Variants in HELB observed in about 807,000 individuals in gnomAD.
HELB encodes DNA helicase B, also known as DNA 5'-3' helicase B.
A neutral mutation model predicts 101.7 loss-of-function variants in HELB; 96 were observed. The ratio of observed to expected loss-of-function variants is 0.94; its 90% CI spans 0.80 to 1.12. The LOEUF (loss-of-function observed/expected upper bound fraction) is 1.12. HELB is among the 50% of genes most tolerant of loss of function. HELB has a pLI of 0.00. For synonymous variants in HELB, 437 were observed against 459.7 expected (o/e 0.95, Z 0.63); for missense variants, 1,210 against 1,291.9 (o/e 0.94, Z 0.97).
intron 10 of HELB, among the ~76,000 whole-genome samples, chr12:66,324,721 A>G (rs2053715493): frequency 6.6e-6 from 1 of 152,242 alleles, no homozygotes; most frequent in Non-Finnish European, 1.5e-5. Context: ...AGACTTCAAA[A>G]TAAGAAATAA....
In HELB at chr12:66,304,798, T is replaced by G; in HGVS notation, c.255T>G (p.Ala85=). ...TTGGACGTTTTCCGATAACAGGTGCTTGGTGGAGAGTGAAGGTACAAGTAA... is the reference window on the plus strand; with the variant it reads ...TTGGACGTTTTCCGATAACAGGTGCGTGGTGGAGAGTGAAGGTACAAGTAA... ...KVFGRFPITG[A]WWRVKVQVKP... is the part of the protein sequence containing the mutation. Residue 85 remains alanine (A), a synonymous_variant, in exon 2 of 13, where the codon GCT becomes GCG. Coordinates refer to ENST00000247815, the MANE Select transcript of HELB (RefSeq NM_001370285.1). The G allele has an allele frequency of 6.2e-7, 1 of 1,614,048 alleles. No homozygotes were observed. Among genetic ancestry groups the G allele is most frequent in the African/African-American group, 1.3e-5 (1 of 75,018 alleles).
At chr12:66,305,217 T>C (rs558716211) in intron 2 of HELB, 67 bp downstream of exon 2, 1 of 955,966 alleles carries the variant, frequency 1.0e-6, no homozygotes, top group East Asian at 2.4e-5. Flanking sequence ...GTGTTTAAAA[T>C]GTTACCACTA....
At position 66,325,010 on chromosome 12, in the gene HELB, AG is replaced by A. The variant is rs773979526; in HGVS notation, c.2555del (p.Arg852LysfsTer4). The A allele has an allele frequency of 1.2e-6, 2 of 1,612,614 alleles. No homozygotes were observed. The highest frequency in any genetic ancestry group is 1.7e-6 in the Non-Finnish European group (2 of 1,178,728). On this transcript the variant is annotated frameshift_variant, in exon 11 of 13. Coordinates refer to ENST00000247815, the MANE Select transcript of HELB (RefSeq NM_001370285.1). LOFTEE classifies it high-confidence loss of function. Reference protein sequence around the residue: ...NDVTDVTFGKRRSLTINNMAG... With the variant: ...NDVTDVTFGKXRSLTINNMAG... Reference sequence around the variant, plus strand: ...TGTAACTGATGTAACTTTTGGAAAGAGAAGATCTTTGACCATTAATAATATG... The same window carrying A: ...TGTAACTGATGTAACTTTTGGAAAGAAAGATCTTTGACCATTAATAATATG...
chr12:66,329,769 T>C (rs970023701), intron 11 of HELB, among the ~76,000 whole-genome samples: 8 of 152,198 alleles, frequency 5.3e-5, no homozygotes, highest in African/African-American at 1.7e-4. Flanking sequence ...ATTATTACTA[T>C]ATTTTTCTCA....
chr12:66,310,390 C>A lies in HELB; in HGVS notation c.1462C>A (p.Leu488Ile), dbSNP rs1214652997. The part of the protein sequence containing the change: ...GCGKTTIVSR[L>I]FKHIEQLEER... The stretch of plus-strand genomic sequence containing the variant: ...TGGGAAGACCACAATCGTTAGCCGT[C>A]TTTTTAAGCATATAGAGCAGTTGGA... The change falls in exon 4 of 13, where the codon CTT (leucine) becomes ATT (isoleucine). Residue 488 changes from leucine (L) to isoleucine (I), a missense_variant. Coordinates refer to ENST00000247815, the MANE Select transcript of HELB (RefSeq NM_001370285.1). 1 of 1,614,110 alleles carries A rather than the reference C, an allele frequency of 6.2e-7. No individual in the cohort carries two copies. The highest frequency in any genetic ancestry group is 8.5e-7 in the Non-Finnish European group (1 of 1,180,024).
downstream of HELB, chr12:66,341,849 C>T (rs2053920555): frequency 6.6e-6 from 1 of 152,248 alleles, no homozygotes; most frequent in South Asian, 2.1e-4. Context: ...AAGGTGCTTG[C>T]TTCTCCTTTA....
Position 66,322,763 on chromosome 12 carries a change from C to T in HELB, c.2277C>T (p.His759=). ...CDLINDCCCK[H]YTGHLTKDHQ... ...TAATTAATGACTGCTGCTGCAAACA[C>T]TACACAGGCCACCTCACCAAGTGAG... Residue 759 remains histidine, a synonymous_variant, in exon 9 of 13, where the codon CAC becomes CAT. Transcript: ENST00000247815. The T allele has an allele frequency of 1.9e-6, 3 of 1,609,748 alleles. No homozygotes were observed. The highest frequency in any genetic ancestry group is 1.1e-5 in the South Asian group (1 of 90,698).
chr12:66,313,200 T>TAGGAAAAAAA (rs150234603), intron 4 of HELB, among the ~76,000 whole-genome samples: 6 of 151,314 alleles, frequency 4.0e-5, no homozygotes, highest in Admixed American at 6.6e-5. Flanking sequence ...CTAGTTTTAG[T>TAGGAAAAAAA]AGAAAAATTA....
Position 66,304,818 on chromosome 12 carries a change from A to G in HELB, c.275A>G (p.Gln92Arg). 6.2e-7 allele frequency: 1 copy of G among 1,614,138 alleles called. No homozygotes were observed. Among genetic ancestry groups the G allele is most frequent in the South Asian group, 1.1e-5 (1 of 91,084 alleles). The change falls in exon 2 of 13, where the codon CAA (glutamine) becomes CGA (arginine). Residue 92 changes from glutamine (Q) to arginine (R), a missense_variant. By Grantham distance (43) the Gln-to-Arg change is conservative (BLOSUM62 1). Transcript: ENST00000247815. Reference sequence around the variant, plus strand: ...GGTGCTTGGTGGAGAGTGAAGGTACAAGTAAAGCCTGTGGTGGGATCAAGG... The same window carrying G: ...GGTGCTTGGTGGAGAGTGAAGGTACGAGTAAAGCCTGTGGTGGGATCAAGG... The part of the protein sequence containing the change: ...ITGAWWRVKV[Q>R]VKPVVGSRSY...
chr12:66,306,318 A>G, intron 2 of HELB, 27 bp from the exon 3 acceptor site: 1 of 1,513,042 alleles, frequency 6.6e-7, no homozygotes, highest in South Asian at 1.3e-5. Flanking sequence ...TTTATGTTTT[A>G]CTTTGTTCCT....
At chr12:66,329,382 T>C (rs1201047169) in intron 11 of HELB, among the ~76,000 whole-genome samples, 3 of 152,138 alleles carry the variant, frequency 2.0e-5, no homozygotes, top group Admixed American at 2.0e-4. Flanking sequence ...ATAGAGGAAG[T>C]ACAGGGTGCT....
At chr12:66,321,568 A>G in intron 7 of HELB, 1 of 214,058 alleles carries the variant, frequency 4.7e-6, no homozygotes, top group Admixed American at 5.3e-5. Flanking sequence ...GATTACTAAC[A>G]TGATCACAAG....
In HELB at chr12:66,304,918, T is replaced by C. The variant is rs780749687; in HGVS notation, c.375T>C (p.His125=). 1.2e-6 allele frequency: 2 copies of C among 1,614,138 alleles called. No homozygotes were observed. The highest frequency in any genetic ancestry group is 2.2e-5 in the East Asian group (1 of 44,874). The stretch of plus-strand genomic sequence containing the variant: ...ATATGTCACCACCAAATCAAAAACA[T>C]ATCTGTGCTCTCTTTCTTAAAGAGT... ...QSDMSPPNQK[H]ICALFLKECE... Residue 125 remains histidine (H), a synonymous_variant, in exon 2 of 13, where the codon CAT becomes CAC. Transcript: ENST00000247815.
chr12:66,308,950 G>T (rs1225521050), intron 3 of HELB, among the ~76,000 whole-genome samples: 1 of 152,158 alleles, frequency 6.6e-6, no homozygotes, highest in Non-Finnish European at 1.5e-5. Flanking sequence ...AAATGGAGCC[G>T]ATAGATGACG....
At chr12:66,310,894 C>T (rs534035119) in intron 4 of HELB, among the ~76,000 whole-genome samples, 10 of 152,244 alleles carry the variant, frequency 6.6e-5, no homozygotes, top group South Asian at 4.1e-4. Context: ...TGCACCACTG[C>T]GCTCCAGCCT....
rs752779991 is a variant in HELB at position 66,304,879 on chromosome 12, C to T, written c.336C>T (p.Tyr112=). 6 of 1,614,090 alleles carry T rather than the reference C, an allele frequency of 3.7e-6. 1 individual carries two copies. The South Asian group carries it at 6.6e-5, about 18-fold the overall frequency. Residue 112 remains tyrosine (Y), a synonymous_variant, in exon 2 of 13, where the codon TAC becomes TAT. Coordinates refer to ENST00000247815, the MANE Select transcript of HELB (RefSeq NM_001370285.1). The part of the protein sequence containing the change: ...YQYQVQGFPS[Y]FLQSDMSPPN... ...ATCAAGTTCAAGGATTTCCGTCTTA[C>T]TTTTTGCAGTCTGATATGTCACCAC...
At chr12:66,317,335 T>G (rs1008337483) in intron 6 of HELB, among the ~76,000 whole-genome samples, 1 of 152,238 alleles carries the variant, frequency 6.6e-6, no homozygotes, top group African/African-American at 2.4e-5. Flanking sequence ...CTACTTTCTC[T>G]AAGCCTCTGT....
At chr12:66,334,471 GA>G (rs34530283) in intron 12 of HELB, among the ~76,000 whole-genome samples, 54,755 of 109,758 alleles carry the variant, frequency 0.5, 10,744 homozygotes, top group African/African-American at 0.54. Flanking sequence ...CAAAAAAAAA[GA>G]AAAAAAAAAA....
chr12:66,308,707 CTCT>C (rs1374142899), intron 3 of HELB, among the ~76,000 whole-genome samples: 1 of 152,146 alleles, frequency 6.6e-6, no homozygotes, highest in Non-Finnish European at 1.5e-5. Context: ...ATGTCCTAAT[CTCT>C]TCTTCTTATA....
Sources: allele counts gnomAD v4.1 joint callset (sites outside exome capture counted in the v4.1 genomes callset), GRCh38; gene constraint gnomAD v4.1.1; transcripts MANE v1.5; gene names NCBI Gene and HGNC (gene_info 2026-07-23, HGNC 2026-07-21).